MYO3B: variants seen among roughly 807,000 people sequenced by gnomAD.
The protein encoded by MYO3B is myosin-IIIb.
Under a neutral mutation model 174.6 loss-of-function variants are expected in MYO3B, and 156 were observed. The ratio of observed to expected loss-of-function variants is 0.89; its 90% CI spans 0.78 to 1.02. MYO3B has a LOEUF of 1.02. MYO3B is among the 50% of genes least tolerant of loss of function. The pLI is 0.00. For missense variants in MYO3B, 1,632 were observed against 1,639.4 expected (o/e 1.00, Z 0.08); for synonymous variants, 563 against 569.1 (o/e 0.99, Z 0.15).
chr2:170,324,714 C>A (rs766862700), intron 7 of MYO3B, among the ~76,000 whole-genome samples: 3 of 152,224 alleles, frequency 2.0e-5, no homozygotes, highest in Non-Finnish European at 2.9e-5. Context: ...GTGAACATTT[C>A]TTCTTTGCCA....
At chr2:170,536,367 A>G (rs1689681802) in intron 30 of MYO3B, among the ~76,000 whole-genome samples, 1 of 152,264 alleles carries the variant, frequency 6.6e-6, no homozygotes, top group Non-Finnish European at 1.5e-5. Context: ...GCTTTAGAGC[A>G]AACAAATATC....
chr2:170,248,449 T>A (rs1358701050), intron 7 of MYO3B, among the ~76,000 whole-genome samples: 1 of 152,266 alleles, frequency 6.6e-6, no homozygotes, highest in African/African-American at 2.4e-5. Flanking sequence ...CATTTAGTAG[T>A]ATAAAACAGC....
At chr2:170,487,045 A>G (rs944628731) in intron 25 of MYO3B, among the ~76,000 whole-genome samples, 2 of 152,278 alleles carry the variant, frequency 1.3e-5, no homozygotes, top group Non-Finnish European at 2.9e-5. Context: ...AGAGATTCTG[A>G]TTCTATGTCT....
At chr2:170,473,732 G>C (rs1309045606) in intron 25 of MYO3B, among the ~76,000 whole-genome samples, 1 of 152,094 alleles carries the variant, frequency 6.6e-6, no homozygotes, top group Non-Finnish European at 1.5e-5. Flanking sequence ...AAACAAATTT[G>C]CCTCCCTTCT....
chr2:170,493,689 C>T (rs929960228), intron 25 of MYO3B, among the ~76,000 whole-genome samples: 2 of 152,146 alleles, frequency 1.3e-5, no homozygotes, highest in Middle Eastern at 3.2e-3. Flanking sequence ...CATTTCTAAG[C>T]CTAGGTCATA....
chr2:170,628,338 C>T (rs1057144260), intron 32 of MYO3B, among the ~76,000 whole-genome samples: 7 of 152,254 alleles, frequency 4.6e-5, no homozygotes, highest in African/African-American at 1.7e-4. Flanking sequence ...GCATGGGACC[C>T]TCTGAGCCAG....
intron 14 of MYO3B, among the ~76,000 whole-genome samples, chr2:170,390,760 C>A (rs1421097215): frequency 1.3e-5 from 2 of 152,036 alleles, no homozygotes; most frequent in Admixed American, 6.5e-5. Context: ...GCTAAGGGAC[C>A]ACTTTTTAAA....
intron 9 of MYO3B, among the ~76,000 whole-genome samples, chr2:170,376,273 C>T (rs1039990243): frequency 6.6e-6 from 1 of 152,130 alleles, no homozygotes; most frequent in Non-Finnish European, 1.5e-5. Context: ...TAATGTCATT[C>T]CTCAAAGGTC....
chr2:170,262,712 G>C (rs574845674), intron 7 of MYO3B, among the ~76,000 whole-genome samples: 68 of 152,120 alleles, frequency 4.5e-4, no homozygotes, highest in Non-Finnish European at 8.4e-4. Flanking sequence ...AAATCTGGGG[G>C]TCCCAGTCAG....
chr2:170,632,419 T>C (rs1246762354), intron 32 of MYO3B, among the ~76,000 whole-genome samples: 1 of 152,162 alleles, frequency 6.6e-6, no homozygotes, highest in Non-Finnish European at 1.5e-5. Flanking sequence ...AAAGATGTTC[T>C]TTGAAACCAA....
intron 8 of MYO3B, among the ~76,000 whole-genome samples, chr2:170,354,530 G>T (rs2094104644): frequency 6.6e-6 from 1 of 152,178 alleles, no homozygotes; most frequent in African/African-American, 2.4e-5. Flanking sequence ...AATTAGAAAG[G>T]AAAACAGAAA....
At chr2:170,432,961 A>G (rs2094723518) in intron 22 of MYO3B, among the ~76,000 whole-genome samples, 1 of 152,170 alleles carries the variant, frequency 6.6e-6, no homozygotes, top group African/African-American at 2.4e-5. Flanking sequence ...ATGTACACTA[A>G]TGTACTAATG....
At chr2:170,580,896 A>G (rs1693103880) in intron 32 of MYO3B, among the ~76,000 whole-genome samples, 2 of 152,292 alleles carry the variant, frequency 1.3e-5, no homozygotes, top group Non-Finnish European at 2.9e-5. Context: ...CATTAATTTC[A>G]TGACTACAAC....
intron 24 of MYO3B, among the ~76,000 whole-genome samples, chr2:170,463,879 G>T (rs2105960970): frequency 6.6e-6 from 1 of 152,196 alleles, no homozygotes; most frequent in African/African-American, 2.4e-5. Flanking sequence ...ACTTCATCTA[G>T]TTAAATGCCT....
At chr2:170,271,747 A>G (rs975037949) in intron 7 of MYO3B, among the ~76,000 whole-genome samples, 1 of 152,186 alleles carries the variant, frequency 6.6e-6, no homozygotes, top group African/African-American at 2.4e-5. Context: ...AATTGTTATA[A>G]TAAGAATTTT....
intron 23 of MYO3B, among the ~76,000 whole-genome samples, chr2:170,460,837 C>T (rs1034891879): frequency 7.2e-5 from 11 of 152,116 alleles, no homozygotes; most frequent in Admixed American, 1.3e-4. Context: ...ACAGATTATT[C>T]CTTTTATTTA....
At chr2:170,183,133 T>C (rs112481594) in intron 1 of MYO3B, among the ~76,000 whole-genome samples, 8,277 of 152,034 alleles carry the variant, frequency 0.054, 554 homozygotes, top group East Asian at 0.3. Context: ...GGCATGCACC[T>C]GTAATCCCAG....
At chr2:170,606,956 G>A (rs183101547) in intron 32 of MYO3B, among the ~76,000 whole-genome samples, 2 of 152,232 alleles carry the variant, frequency 1.3e-5, no homozygotes, top group Non-Finnish European at 2.9e-5. Flanking sequence ...GGAGGCGGAG[G>A]TTGCTGTGAG....
chr2:170,383,308 A>G (rs1447342918), intron 11 of MYO3B, 119 bp downstream of exon 11: 1 of 668,100 alleles, frequency 1.5e-6, no homozygotes, highest in Non-Finnish European at 2.7e-6. Context: ...TATACTCCAA[A>G]CTGCAGATAG....
Sources: allele counts gnomAD v4.1 joint callset (sites outside exome capture counted in the v4.1 genomes callset), GRCh38; gene constraint gnomAD v4.1.1; transcripts MANE v1.5; gene names NCBI Gene and HGNC (gene_info 2026-07-23, HGNC 2026-07-21).